The following IFNB1 variants were observed in gnomAD, a reference collection of about 807,000 sequenced individuals.
IFNB1 encodes the protein interferon beta 1.
For synonymous variants in IFNB1, 99 were observed against 80.4 expected (o/e 1.23, Z -1.24); for missense variants, 267 against 210.5 (o/e 1.27, Z -1.66).
At position 21,077,211 on chromosome 9, in the gene IFNB1, G is replaced by C; in HGVS notation, c.*95C>G. The C allele has an allele frequency of 1.4e-6, 1 of 717,198 alleles. No individual in the cohort carries two copies. Among genetic ancestry groups the C allele is most frequent in the Non-Finnish European group, 2.4e-6 (1 of 413,324 alleles). 44.4% of individuals were successfully genotyped at this position (717,198 alleles called of 1,614,324 possible). A position where few individuals can be genotyped will look rare whatever the true frequency, so the allele number is the denominator to read the frequency against. On this transcript the variant is annotated 3_prime_UTR_variant, in exon 1 of 1. Transcript: ENST00000380232. ...AAAATCTTCTAGTGTCCTTTCATATGCAGTACATTAGCCATCAGTCACTTA... is the reference window on the plus strand; with the variant it reads ...AAAATCTTCTAGTGTCCTTTCATATCCAGTACATTAGCCATCAGTCACTTA...
Position 21,077,805 on chromosome 9 carries a change from A to T in IFNB1, c.65T>A (p.Met22Lys), listed in dbSNP as rs759540169. ...LLCFSTTALS[M>K]SYNLLGFLQR... is the part of the protein sequence containing the mutation. The stretch of plus-strand genomic sequence containing the variant: ...TAGGAATCCAAGCAAGTTGTAGCTC[A>T]TGGAAAGAGCTGTAGTGGAGAAGCA... The change falls in exon 1 of 1, where the codon ATG becomes AAG. Residue 22 changes from methionine to lysine, a missense_variant. Coordinates refer to ENST00000380232, the MANE Select transcript of IFNB1 (RefSeq NM_002176.4). 2 of 1,613,750 alleles carry T rather than the reference A, an allele frequency of 1.2e-6. No individual in the cohort carries two copies. The highest frequency in any genetic ancestry group is 8.5e-7 in the Non-Finnish European group (1 of 1,179,770).
chr9:21,077,612 G>A lies in IFNB1; in HGVS notation c.258C>T (p.Asn86=), dbSNP rs983854508. ...AALTIYEMLQ[N]IFAIFRQDSS... is the part of the protein sequence containing the mutation. ...AATCTTGTCTGAAAATAGCAAAGATGTTCTGGAGCATCTCATAGATGGTCA... is the reference window on the plus strand; with the variant it reads ...AATCTTGTCTGAAAATAGCAAAGATATTCTGGAGCATCTCATAGATGGTCA... Residue 86 remains asparagine, a synonymous_variant, in exon 1 of 1, where the codon AAC becomes AAT. Transcript: ENST00000380232. 1.2e-5 allele frequency: 19 copies of A among 1,613,980 alleles called. No individual in the cohort carries two copies. The African/African-American group carries it at 2.0e-4, about 17-fold the overall frequency.
chr9:21,077,223 C>G lies in IFNB1; in HGVS notation c.*83G>C. 1.2e-6 allele frequency: 1 copy of G among 821,492 alleles called. No homozygotes were observed. Among genetic ancestry groups the G allele is most frequent in the Non-Finnish European group, 2.0e-6 (1 of 498,274 alleles). The allele number at this position is 821,492 out of a possible 1,614,324, so 50.9% of individuals were successfully genotyped here. ...TGTCCTTTCATATGCAGTACATTAG[C>G]CATCAGTCACTTAAACAGCATCTGC... On this transcript the variant is annotated 3_prime_UTR_variant, in exon 1 of 1. Transcript: ENST00000380232.
rs781657215 is a variant in IFNB1 at position 21,077,755 on chromosome 9, G to C, written c.115C>G (p.Gln39Glu). The C allele has an allele frequency of 6.2e-6, 10 of 1,613,876 alleles. No individual in the cohort carries two copies. Among genetic ancestry groups the C allele is most frequent in the Admixed American group, 5.0e-5 (3 of 59,960 alleles). ...CCATTCAATTGCCACAGGAGCTTCT[G>C]ACACTGAAAATTGCTGCTTCTTTGT... ...FLQRSSNFQCQKLLWQLNGRL... is the reference protein window; with the variant it reads ...FLQRSSNFQCEKLLWQLNGRL... Residue 39 changes from glutamine (Q) to glutamate (E), a missense_variant, in exon 1 of 1, where the codon CAG becomes GAG. Transcript: ENST00000380232.
chr9:21,077,318 G>A lies in IFNB1; in HGVS notation c.552C>T (p.Tyr184=). 6.2e-7 allele frequency: 1 copy of A among 1,609,722 alleles called. No individual in the cohort carries two copies. The highest frequency in any genetic ancestry group is 8.5e-7 in the Non-Finnish European group (1 of 1,177,176). Residue 184 remains tyrosine (Y), a synonymous_variant, in exon 1 of 1, where the codon TAC becomes TAT. Transcript: ENST00000380232. The stretch of plus-strand genomic sequence containing the variant: ...GGCTAGGAGATCTTCAGTTTCGGAG[G>A]TAACCTGTAAGTCTGTTAATGAAGT... ...NFYFINRLTG[Y]LRN is the part of the protein sequence containing the mutation.
rs1818734230 is a variant in IFNB1 at position 21,077,523 on chromosome 9, A to T, written c.347T>A (p.Ile116Lys). 3 of 1,613,810 alleles carry T rather than the reference A, an allele frequency of 1.9e-6. No homozygotes were observed. Among genetic ancestry groups the T allele is most frequent in the Non-Finnish European group, 2.5e-6 (3 of 1,179,896 alleles). Reference sequence around the variant, plus strand: ...TTCCAGGACTGTCTTCAGATGGTTTATCTGATGATAGACATTAGCCAGGAG... The same window carrying T: ...TTCCAGGACTGTCTTCAGATGGTTTTTCTGATGATAGACATTAGCCAGGAG... ...ENLLANVYHQ[I>K]NHLKTVLEEK... The change falls in exon 1 of 1, where the codon ATA becomes AAA. Residue 116 changes from isoleucine to lysine, a missense_variant. Ile to Lys is a moderately radical substitution (Grantham distance 102). Transcript: ENST00000380232.
At position 21,077,939 on chromosome 9, in the gene IFNB1, G is replaced by A. The variant is rs112752385; in HGVS notation, c.-70C>T. ...CAAAGGCTTCGAAAGGTTGCAGTTAGAATGTCCTTTCTCCATGGGTATGGC... is the reference window on the plus strand; with the variant it reads ...CAAAGGCTTCGAAAGGTTGCAGTTAAAATGTCCTTTCTCCATGGGTATGGC... On this transcript the variant is annotated 5_prime_UTR_variant, in exon 1 of 1. Coordinates refer to ENST00000380232, the MANE Select transcript of IFNB1 (RefSeq NM_002176.4). 15 of 1,109,482 alleles carry A rather than the reference G, an allele frequency of 1.4e-5. No individual in the cohort carries two copies. Among genetic ancestry groups the A allele is most frequent in the African/African-American group, 1.1e-4 (7 of 64,092 alleles). 68.7% of individuals were successfully genotyped at this position (1,109,482 alleles called of 1,614,324 possible). A position where few individuals can be genotyped will look rare whatever the true frequency, so the allele number is the denominator to read the frequency against.
Position 21,077,616 on chromosome 9 carries a change from T to C in IFNB1, c.254A>G (p.Gln85Arg). Residue 85 changes from glutamine to arginine, a missense_variant, in exon 1 of 1, where the codon CAG becomes CGG. Gln to Arg is a conservative substitution (Grantham distance 43). Transcript: ENST00000380232. ...DAALTIYEML[Q>R]NIFAIFRQDS... ...TTGTCTGAAAATAGCAAAGATGTTC[T>C]GGAGCATCTCATAGATGGTCAATGC... 1.2e-6 allele frequency: 2 copies of C among 1,614,012 alleles called. No homozygotes were observed. Among genetic ancestry groups the C allele is most frequent in the South Asian group, 2.2e-5 (2 of 91,072 alleles).
chr9:21,077,126 T>C lies in IFNB1; in HGVS notation c.*180A>G, dbSNP rs184544913. ...ATGTTGACTTTTGCACCAAAAATAA[T>C]TTATTTTCCAAAATAAAATTTAAAT... On this transcript the variant is annotated 3_prime_UTR_variant, in exon 1 of 1. Coordinates refer to ENST00000380232, the MANE Select transcript of IFNB1 (RefSeq NM_002176.4). The C allele has an allele frequency of 1.6e-3, 616 of 388,842 alleles. 8 individuals carry two copies. The East Asian group carries it at 0.025, about 16-fold the overall frequency. The allele number at this position is 388,842 out of a possible 1,614,324, so 24.1% of individuals were successfully genotyped here.
rs1361202967 is a variant in IFNB1 at position 21,077,549 on chromosome 9, G to A, written c.321C>T (p.Asn107=). Residue 107 remains asparagine (N), a synonymous_variant, in exon 1 of 1, where the codon AAC becomes AAT. Coordinates refer to ENST00000380232, the MANE Select transcript of IFNB1 (RefSeq NM_002176.4). ...TCTGATGATAGACATTAGCCAGGAG[G>A]TTCTCAACAATAGTCTCATTCCAGC... The part of the protein sequence containing the change: ...STGWNETIVE[N]LLANVYHQIN... 9 of 1,613,846 alleles carry A rather than the reference G, an allele frequency of 5.6e-6. No individual in the cohort carries two copies. Among genetic ancestry groups the A allele is most frequent in the Non-Finnish European group, 7.6e-6 (9 of 1,179,898 alleles).
At position 21,077,444 on chromosome 9, in the gene IFNB1, G is replaced by T; in HGVS notation, c.426C>A (p.His142Gln). The change falls in exon 1 of 1, where the codon CAC becomes CAA. Residue 142 changes from histidine (H) to glutamine (Q), a missense_variant. Transcript: ENST00000380232. The part of the protein sequence containing the change: ...FTRGKLMSSL[H>Q]LKRYYGRILH... ...GAATCCTCCCATAATATCTTTTCAG[G>T]TGCAGACTGCTCATGAGTTTTCCCC... 2 of 1,613,856 alleles carry T rather than the reference G, an allele frequency of 1.2e-6. No homozygotes were observed. The highest frequency in any genetic ancestry group is 1.3e-5 in the African/African-American group (1 of 74,994).
chr9:21,077,359 T>C lies in IFNB1; in HGVS notation c.511A>G (p.Ile171Val). The change falls in exon 1 of 1, where the codon ATC (isoleucine) becomes GTC (valine). Residue 171 changes from isoleucine to valine, a missense_variant. Physicochemically the swap from Ile to Val is conservative, Grantham distance 29 (BLOSUM62 3). Coordinates refer to ENST00000380232, the MANE Select transcript of IFNB1 (RefSeq NM_002176.4). ...HCAWTIVRVE[I>V]LRNFYFINRL... ...TTAATGAAGTAAAAGTTCCTTAGGA[T>C]TTCCACTCTGACTATGGTCCAGGCA... 1 of 1,613,646 alleles carries C rather than the reference T, an allele frequency of 6.2e-7. No individual in the cohort carries two copies. Among genetic ancestry groups the C allele is most frequent in the Non-Finnish European group, 8.5e-7 (1 of 1,179,712 alleles).
chr9:21,077,686 G>T lies in IFNB1; in HGVS notation c.184C>A (p.Pro62Thr). The stretch of plus-strand genomic sequence containing the variant: ...TGCTGCAGCTGCTTAATCTCCTCAG[G>T]GATGTCAAAGTTCATCCTGTCCTTG... ...CLKDRMNFDIPEEIKQLQQFQ... is the reference protein window; with the variant it reads ...CLKDRMNFDITEEIKQLQQFQ... Residue 62 changes from proline (P) to threonine (T), a missense_variant, in exon 1 of 1, where the codon CCT becomes ACT. Pro to Thr is a conservative substitution (Grantham distance 38, BLOSUM62 -1). Transcript: ENST00000380232. 2 of 1,613,920 alleles carry T rather than the reference G, an allele frequency of 1.2e-6. No homozygotes were observed. Among genetic ancestry groups the T allele is most frequent in the Non-Finnish European group, 1.7e-6 (2 of 1,179,876 alleles).
Position 21,077,466 on chromosome 9 carries a change from C to A in IFNB1, c.404G>T (p.Gly135Val). The A allele has an allele frequency of 6.2e-7, 1 of 1,613,990 alleles. No individual in the cohort carries two copies. Among genetic ancestry groups the A allele is most frequent in the Non-Finnish European group, 8.5e-7 (1 of 1,179,890 alleles). The stretch of plus-strand genomic sequence containing the variant: ...CAGGTGCAGACTGCTCATGAGTTTT[C>A]CCCTGGTGAAATCTTCTTTCTCCAG... The part of the protein sequence containing the change: ...EKLEKEDFTR[G>V]KLMSSLHLKR... Residue 135 changes from glycine to valine, a missense_variant, in exon 1 of 1, where the codon GGA becomes GTA. Transcript: ENST00000380232.
rs146710785 is a variant in IFNB1 at position 21,077,641 on chromosome 9, C to T, written c.229G>A (p.Ala77Thr). 508 of 1,613,870 alleles carry T rather than the reference C, an allele frequency of 3.1e-4. 2 individuals are homozygous for T. The East Asian group carries it at 9.6e-3, about 30-fold the overall frequency. The stretch of plus-strand genomic sequence containing the variant: ...TGGAGCATCTCATAGATGGTCAATG[C>T]GGCGTCCTCCTTCTGGAACTGCTGC... Reference protein sequence around the residue: ...QLQQFQKEDAALTIYEMLQNI... With the variant: ...QLQQFQKEDATLTIYEMLQNI... The change falls in exon 1 of 1, where the codon GCA becomes ACA. Residue 77 changes from alanine to threonine, a missense_variant. Physicochemically the swap from Ala to Thr is moderately conservative, Grantham distance 58. Transcript: ENST00000380232.
Position 21,077,488 on chromosome 9 carries a change from C to T in IFNB1, c.382G>A (p.Glu128Lys), listed in dbSNP as rs775224403. Residue 128 changes from glutamate to lysine, a missense_variant, in exon 1 of 1, where the codon GAG becomes AAG. Transcript: ENST00000380232. ...HLKTVLEEKL[E>K]KEDFTRGKLM... ...TTTCCCCTGGTGAAATCTTCTTTCTCCAGTTTTTCTTCCAGGACTGTCTTC... is the reference window on the plus strand; with the variant it reads ...TTTCCCCTGGTGAAATCTTCTTTCTTCAGTTTTTCTTCCAGGACTGTCTTC... 1.9e-6 allele frequency: 3 copies of T among 1,613,814 alleles called. No individual in the cohort carries two copies. The highest frequency in any genetic ancestry group is 1.1e-5 in the South Asian group (1 of 91,090).
At position 21,077,117 on chromosome 9, in the gene IFNB1, CA is replaced by C. The variant is rs749908813; in HGVS notation, c.*188del. ...AAAACTGCCATGTTGACTTTTGCACCAAAAATAATTTATTTTCCAAAATAAA... is the reference window on the plus strand; with the variant it reads ...AAAACTGCCATGTTGACTTTTGCACCAAAATAATTTATTTTCCAAAATAAA... On this transcript the variant is annotated 3_prime_UTR_variant, in exon 1 of 1. Transcript: ENST00000380232. 4.4e-4 allele frequency: 161 copies of C among 366,218 alleles called. 1 individual carries two copies. The highest frequency in any genetic ancestry group is 7.3e-4 in the Non-Finnish European group (151 of 207,152). 22.7% of individuals were successfully genotyped at this position (366,218 alleles called of 1,614,324 possible).
chr9:21,077,313 C>G lies in IFNB1; in HGVS notation c.557G>C (p.Arg186Pro). The part of the protein sequence containing the change: ...YFINRLTGYL[R>P]N ...GCACAGGCTAGGAGATCTTCAGTTTCGGAGGTAACCTGTAAGTCTGTTAAT... is the reference window on the plus strand; with the variant it reads ...GCACAGGCTAGGAGATCTTCAGTTTGGGAGGTAACCTGTAAGTCTGTTAAT... The change falls in exon 1 of 1, where the codon CGA becomes CCA. Residue 186 changes from arginine to proline, a missense_variant. By Grantham distance (103) the Arg-to-Pro change is moderately radical. Transcript: ENST00000380232. The G allele has an allele frequency of 6.2e-7, 1 of 1,606,514 alleles. No homozygotes were observed. Among genetic ancestry groups the G allele is most frequent in the East Asian group, 2.2e-5 (1 of 44,848 alleles).
rs1368191578 is a variant in IFNB1 at position 21,077,634 on chromosome 9, G to A, written c.236C>T (p.Thr79Ile). The A allele has an allele frequency of 2.5e-6, 4 of 1,613,902 alleles. No homozygotes were observed. In the South Asian group the frequency reaches 4.4e-5, roughly 18 times the overall value. Residue 79 changes from threonine to isoleucine, a missense_variant, in exon 1 of 1, where the codon ACC (threonine) becomes ATC (isoleucine). By Grantham distance (89) the Thr-to-Ile change is moderately conservative. Coordinates refer to ENST00000380232, the MANE Select transcript of IFNB1 (RefSeq NM_002176.4). ...QQFQKEDAAL[T>I]IYEMLQNIFA... ...GATGTTCTGGAGCATCTCATAGATG[G>A]TCAATGCGGCGTCCTCCTTCTGGAA...
Sources: gnomAD v4.1 joint callset for allele counts on GRCh38, gnomAD v4.1.1 for gene constraint, MANE v1.5 for transcripts, NCBI Gene and HGNC (gene_info 2026-07-23, HGNC 2026-07-21) for gene names.